Variants in TMEM132D observed in about 807,000 individuals in gnomAD.
TMEM132D encodes mature OL transmembrane protein.
In TMEM132D, 21 loss-of-function variants were observed where a neutral mutation model predicts 62.3. That is an observed-to-expected ratio of 0.34 (90% CI 0.24 to 0.49). The LOEUF (loss-of-function observed/expected upper bound fraction) is 0.49. TMEM132D is among the 20% of genes least tolerant of loss of function. The probability of loss-of-function intolerance (pLI) is 0.99; values close to 1 mark genes in which losing one functional copy is unlikely to be tolerated. For synonymous variants in TMEM132D, 621 were observed against 575.6 expected (o/e 1.08, Z -1.13); for missense variants, 1,346 against 1,402.8 (o/e 0.96, Z 0.65).
In TMEM132D at chr12:129,682,592, G is replaced by A. The variant is rs1295069500; in HGVS notation, c.968+17218C>T. On this transcript the variant is annotated intron_variant, in intron 2 of 8. Coordinates refer to ENST00000422113, the MANE Select transcript of TMEM132D (RefSeq NM_133448.3). ...TTTGGATGTCACTGTAATTTGCAGTGACAAATAAGACTTGCAGATTTTGTT... is the reference window on the plus strand; with the variant it reads ...TTTGGATGTCACTGTAATTTGCAGTAACAAATAAGACTTGCAGATTTTGTT... 3.3e-5 allele frequency among the ~76,000 whole-genome samples: 5 copies of A among 152,246 alleles called. No individual in the cohort carries two copies. In the East Asian group the frequency reaches 5.8e-4, roughly 18 times the overall value.
At chr12:129,661,513 G>A (rs1038313093) in intron 2 of TMEM132D, among the ~76,000 whole-genome samples, 8 of 152,152 alleles carry the variant, frequency 5.3e-5, no homozygotes, top group South Asian at 4.1e-4. Context: ...AAGGAAAGTG[G>A]ACCTCCATGT....
At chr12:129,246,610 G>A (rs961509321) in intron 4 of TMEM132D, among the ~76,000 whole-genome samples, 1 of 152,016 alleles carries the variant, frequency 6.6e-6, no homozygotes, top group Non-Finnish European at 1.5e-5. Context: ...ACAAAAATGA[G>A]CCGGATGTGG....
At chr12:129,773,089 C>T (rs1870808806) in intron 1 of TMEM132D, among the ~76,000 whole-genome samples, 1 of 152,240 alleles carries the variant, frequency 6.6e-6, no homozygotes, top group Admixed American at 6.5e-5. Flanking sequence ...GCAGCAGCCA[C>T]TCCTGGGTAT....
chr12:129,257,411 A>G (rs959227123), intron 4 of TMEM132D, among the ~76,000 whole-genome samples: 17 of 151,868 alleles, frequency 1.1e-4, no homozygotes, highest in East Asian at 5.8e-4. Flanking sequence ...GGGTTTCACC[A>G]TGTTAGCCAG....
At chr12:129,811,890 G>A (rs898941717) in intron 1 of TMEM132D, among the ~76,000 whole-genome samples, 4 of 151,624 alleles carry the variant, frequency 2.6e-5, no homozygotes, top group Non-Finnish European at 4.4e-5. Flanking sequence ...GGATTCTTCC[G>A]CAGCTTCAGT....
At chr12:129,364,312 G>C in intron 3 of TMEM132D, among the ~76,000 whole-genome samples, 1 of 152,186 alleles carries the variant, frequency 6.6e-6, no homozygotes, top group Middle Eastern at 3.2e-3. Flanking sequence ...ATAGTGTGCA[G>C]ATGGTACACT....
At chr12:129,139,284 G>A (rs914425977) in intron 5 of TMEM132D, among the ~76,000 whole-genome samples, 1 of 152,184 alleles carries the variant, frequency 6.6e-6, no homozygotes, top group Non-Finnish European at 1.5e-5. Flanking sequence ...TGTGTGTGTT[G>A]AGAGATTTGA....
intron 2 of TMEM132D, among the ~76,000 whole-genome samples, chr12:129,683,312 T>C (rs1396970934): frequency 1.3e-5 from 2 of 152,214 alleles, no homozygotes. Context: ...TTAACCTTTT[T>C]TGTATTTCAG....
At chr12:129,348,784 GC>G (rs1471615320) in intron 3 of TMEM132D, among the ~76,000 whole-genome samples, 1 of 152,186 alleles carries the variant, frequency 6.6e-6, no homozygotes, top group Admixed American at 6.5e-5. Flanking sequence ...CCCAGAGGGA[GC>G]CATTGGCACC....
At chr12:129,129,522 G>A (rs559051232) in intron 5 of TMEM132D, among the ~76,000 whole-genome samples, 1 of 152,296 alleles carries the variant, frequency 6.6e-6, no homozygotes, top group Non-Finnish European at 1.5e-5. Flanking sequence ...GGGATTGTTG[G>A]GTTGAATGGT....
intron 5 of TMEM132D, among the ~76,000 whole-genome samples, chr12:129,093,246 TTC>T (rs1170933589): frequency 6.6e-6 from 1 of 152,172 alleles, no homozygotes; most frequent in Non-Finnish European, 1.5e-5. Flanking sequence ...CCTCCCTAAA[TTC>T]TGTTTGCAGA....
chr12:129,325,933 A>C lies in TMEM132D; in HGVS notation c.1299+11701T>G, dbSNP rs558559906. 1.4e-4 allele frequency among the ~76,000 whole-genome samples: 22 copies of C among 152,362 alleles called. 1 individual carries two copies. In the East Asian group the frequency reaches 3.7e-3, roughly 25 times the overall value. ...AAGAGAAAGACGATGAAGTTCACCA[A>C]AGAATGTGAGGAACATTAAGAAAGA... On this transcript the variant is annotated intron_variant, in intron 4 of 8. Transcript: ENST00000422113.
chr12:129,849,242 C>G (rs967755387), intron 1 of TMEM132D, among the ~76,000 whole-genome samples: 1 of 152,136 alleles, frequency 6.6e-6, no homozygotes, highest in African/African-American at 2.4e-5. Context: ...CCAAGTGTAT[C>G]CCATTTTGAC....
chr12:129,103,546 A>T (rs772306247), intron 5 of TMEM132D, among the ~76,000 whole-genome samples: 1 of 152,204 alleles, frequency 6.6e-6, no homozygotes, highest in Non-Finnish European at 1.5e-5. Context: ...TTCCTTCAGC[A>T]GCCGGGATGA....
chr12:129,079,886 T>C (rs1874397607), intron 7 of TMEM132D, among the ~76,000 whole-genome samples: 1 of 152,146 alleles, frequency 6.6e-6, no homozygotes, highest in Non-Finnish European at 1.5e-5. Context: ...ACCAAAATAA[T>C]GTTCATGTTT....
In TMEM132D at chr12:129,697,989, C is replaced by A. The variant is rs141004934; in HGVS notation, c.968+1821G>T. Among the ~76,000 whole-genome samples the A allele has an allele frequency of 4.4e-3, 665 of 152,156 alleles. 5 individuals carry two copies. Among genetic ancestry groups the A allele is most frequent in the African/African-American group, 0.015 (626 of 41,506 alleles). ...CAGGGGATTGCAGTGTTTAATCCTG[C>A]GTTCAGAAAATCAAGTCAGTCGTTG... is the stretch of plus-strand genomic sequence containing the variant. On this transcript the variant is annotated intron_variant, in intron 2 of 8. Coordinates refer to ENST00000422113, the MANE Select transcript of TMEM132D (RefSeq NM_133448.3).
chr12:129,131,651 C>T (rs1164846645), intron 5 of TMEM132D, among the ~76,000 whole-genome samples: 1 of 151,996 alleles, frequency 6.6e-6, no homozygotes, highest in Non-Finnish European at 1.5e-5. Flanking sequence ...AAAAGTTTTA[C>T]TATCAGGTAT....
chr12:129,760,087 T>G (rs1023877509), intron 1 of TMEM132D, among the ~76,000 whole-genome samples: 2 of 151,980 alleles, frequency 1.3e-5, no homozygotes, highest in African/African-American at 4.8e-5. Flanking sequence ...TAAATTTTAT[T>G]GTAGAGATGG....
chr12:129,242,903 T>TA (rs2135585343), intron 4 of TMEM132D, among the ~76,000 whole-genome samples: 1 of 152,350 alleles, frequency 6.6e-6, no homozygotes, highest in East Asian at 1.9e-4. Context: ...ACAACAGGCT[T>TA]GAGGACGGTT....
Sources: allele counts gnomAD v4.1 joint callset (sites outside exome capture counted in the v4.1 genomes callset), GRCh38; gene constraint gnomAD v4.1.1; transcripts MANE v1.5; gene names NCBI Gene and HGNC (gene_info 2026-07-23, HGNC 2026-07-21).